Variants in TLE3 observed in about 807,000 individuals in gnomAD.
The protein encoded by TLE3 is TLE family member 3, transcriptional corepressor.
Under a neutral mutation model 93.0 loss-of-function variants are expected in TLE3, and 14 were observed. The observed-to-expected ratio is 0.15, with a 90% CI of 0.10 to 0.24. TLE3 has a LOEUF of 0.24. Ranked by LOEUF, TLE3 falls within the 10% of genes least tolerant of loss-of-function variation. The probability of loss-of-function intolerance (pLI) is 1.00; values close to 1 mark genes in which losing one functional copy is unlikely to be tolerated. For missense variants in TLE3, 693 were observed against 1,046.6 expected (o/e 0.66, Z 4.66); for synonymous variants, 451 against 425.0 (o/e 1.06, Z -0.75).
chr15:70,048,991 T>C lies in TLE3; in HGVS notation c.*1106A>G, dbSNP rs1163486345. ...TAAAAGGACATCACTTCTAATTCTT[T>C]TTATTCAAATTAAAAAAAAAAAAAA... On this transcript the variant is annotated 3_prime_UTR_variant, in exon 20 of 20. Coordinates refer to ENST00000451782, the MANE Select transcript of TLE3 (RefSeq NM_001105192.3). 1 of 151,416 alleles carries C rather than the reference T, an allele frequency of 6.6e-6. No individual in the cohort carries two copies. Among genetic ancestry groups the C allele is most frequent in the African/African-American group, 2.4e-5 (1 of 41,204 alleles). The allele number at this position is 151,416 out of a possible 1,614,324, so 9.4% of individuals were successfully genotyped here. A position where few individuals can be genotyped will look rare whatever the true frequency, so the allele number is the denominator to read the frequency against.
At chr15:70,094,879 G>A (rs2058474368) in intron 3 of TLE3, 2 of 332,732 alleles carry the variant, frequency 6.0e-6, no homozygotes, top group South Asian at 5.6e-5. Context: ...ACAGGGAATC[G>A]TGTGTACACT....
At chr15:70,056,503 A>G (rs536783781) in intron 13 of TLE3, 129 bp from the exon 14 acceptor site, 13 of 781,200 alleles carry the variant, frequency 1.7e-5, no homozygotes, top group African/African-American at 1.5e-4. Context: ...AGACAAGCTG[A>G]GCAGAGCAGA....
At position 70,054,958 on chromosome 15, in the gene TLE3, T is replaced by C. The variant is rs546152794; in HGVS notation, c.1578+91A>G. ...TAAAGTTGCTCAGCCAATACGATGC[T>C]GAGCCAGGCCCTGGGGCTCTCCCCT... On this transcript the variant is annotated intron_variant, in intron 15 of 19. Coordinates refer to ENST00000451782, the MANE Select transcript of TLE3 (RefSeq NM_001105192.3). 102 of 1,478,460 alleles carry C rather than the reference T, an allele frequency of 6.9e-5. No homozygotes were observed. The African/African-American group carries it at 9.9e-4, about 14-fold the overall frequency. The allele number at this position is 1,478,460 out of a possible 1,614,324, so 91.6% of individuals were successfully genotyped here. A position where few individuals can be genotyped will look rare whatever the true frequency, so the allele number is the denominator to read the frequency against.
chr15:70,081,925 ATCTCAGTCAGCTC>A (rs1175368613), intron 4 of TLE3, among the ~76,000 whole-genome samples: 1 of 152,244 alleles, frequency 6.6e-6, no homozygotes, highest in Non-Finnish European at 1.5e-5. Flanking sequence ...TGGGGGTGTC[ATCTCAGTCAGCTC>A]TGAGGTTCTT....
At chr15:70,056,445 AC>A in intron 13 of TLE3, 71 bp from the exon 14 acceptor site, 2 of 1,457,850 alleles carry the variant, frequency 1.4e-6, no homozygotes, top group Non-Finnish European at 9.5e-7. Flanking sequence ...CTCCTCCACC[AC>A]CCACCCGGGG....
At chr15:70,086,988 A>G (rs2058067075) in intron 4 of TLE3, among the ~76,000 whole-genome samples, 1 of 152,192 alleles carries the variant, frequency 6.6e-6, no homozygotes, top group Non-Finnish European at 1.5e-5. Context: ...AACTCTTTCT[A>G]CAAACACAAC....
intron 6 of TLE3, among the ~76,000 whole-genome samples, chr15:70,070,506 C>T (rs554899088): frequency 6.6e-6 from 1 of 152,326 alleles, no homozygotes; most frequent in African/African-American, 2.4e-5. Flanking sequence ...ACTTCCTGCC[C>T]TCCAAGGACA....
intron 4 of TLE3, among the ~76,000 whole-genome samples, chr15:70,087,507 A>C (rs748050808): frequency 9.9e-5 from 15 of 152,240 alleles, no homozygotes; most frequent in Non-Finnish European, 1.9e-4. Flanking sequence ...GTCCTCTGGA[A>C]AGTACTTCCC....
chr15:70,082,477 G>A (rs532414726), intron 4 of TLE3, among the ~76,000 whole-genome samples: 87 of 152,278 alleles, frequency 5.7e-4, no homozygotes, highest in Middle Eastern at 6.8e-3. Context: ...GGGAAATGTA[G>A]CCCCTCCCGC....
chr15:70,055,997 G>A lies in TLE3; in HGVS notation c.1328+301C>T. The A allele has an allele frequency of 1.4e-5, 7 of 491,258 alleles. 1 individual carries two copies. The highest frequency in any genetic ancestry group is 1.2e-4 in the South Asian group (6 of 48,314). The allele number at this position is 491,258 out of a possible 1,614,324, so 30.4% of individuals were successfully genotyped here. A position where few individuals can be genotyped will look rare whatever the true frequency, so the allele number is the denominator to read the frequency against. On this transcript the variant is annotated intron_variant, in intron 14 of 19. Coordinates refer to ENST00000451782, the MANE Select transcript of TLE3 (RefSeq NM_001105192.3). ...AAAGGAGTCGGCAAGGCCCACCACA[G>A]CTCCAGGTGACTCGGTGAGGAGTGT...
At chr15:70,055,979 T>A in intron 14 of TLE3, 2 of 434,194 alleles carry the variant, frequency 4.6e-6, no homozygotes, top group South Asian at 2.3e-5. Context: ...CCCAAAGGAG[T>A]CGGCAAGGCC....
rs2058609255 is a variant in TLE3 at position 70,097,268 on chromosome 15, G to A, written c.-470C>T. On this transcript the variant is annotated 5_prime_UTR_variant, in exon 1 of 20. Transcript: ENST00000451782. ...GCCGGGGCAGCCCCAAGCATCCGGG[G>A]CGCGCGGGTCCGATCCTAGAGGCGT... 1 of 400,576 alleles carries A rather than the reference G, an allele frequency of 2.5e-6. No individual in the cohort carries two copies. Among genetic ancestry groups the A allele is most frequent in the Non-Finnish European group, 4.4e-6 (1 of 228,232 alleles). The allele number at this position is 400,576 out of a possible 1,614,324, so 24.8% of individuals were successfully genotyped here. A position where few individuals can be genotyped will look rare whatever the true frequency, so the allele number is the denominator to read the frequency against.
intron 8 of TLE3, among the ~76,000 whole-genome samples, chr15:70,061,073 G>T (rs576937208): frequency 1.3e-5 from 2 of 152,278 alleles, no homozygotes; most frequent in South Asian, 2.1e-4. Context: ...GATCTGAGCT[G>T]ACAGGCAGGG....
intron 4 of TLE3, chr15:70,079,522 AG>A (rs2057650717): frequency 2.3e-6 from 1 of 437,572 alleles, no homozygotes; most frequent in Non-Finnish European, 4.5e-6. Context: ...ATCATCTGCT[AG>A]TACCCTCTTG....
At chr15:70,054,970 T>G (rs1161283172) in intron 15 of TLE3, 79 bp downstream of exon 15, 2 of 1,500,196 alleles carry the variant, frequency 1.3e-6, no homozygotes, top group African/African-American at 2.8e-5. Flanking sequence ...AGCCAGGCCC[T>G]GGGGCTCTCC....
chr15:70,057,111 C>T (rs956513335), intron 13 of TLE3, among the ~76,000 whole-genome samples: 2 of 152,212 alleles, frequency 1.3e-5, no homozygotes, highest in African/African-American at 2.4e-5. Flanking sequence ...GTCCCATCTA[C>T]GAGACCCCTG....
intron 5 of TLE3, among the ~76,000 whole-genome samples, chr15:70,075,204 G>T (rs946187657): frequency 6.6e-6 from 1 of 152,182 alleles, no homozygotes; most frequent in African/African-American, 2.4e-5. Context: ...ACGGACTTTG[G>T]GTGATGATGT....
intron 16 of TLE3, 21 bp from the exon 17 acceptor site, chr15:70,053,395 G>A (rs1379267623): frequency 1.3e-6 from 2 of 1,588,918 alleles, no homozygotes; most frequent in Admixed American, 1.7e-5. Context: ...CAAGCAGGGA[G>A]GAGGGTGAGT....
At position 70,096,779 on chromosome 15, in the gene TLE3, T is replaced by A; in HGVS notation, c.20A>T (p.His7Leu). 1 of 1,613,152 alleles carries A rather than the reference T, an allele frequency of 6.2e-7. No individual in the cohort carries two copies. The highest frequency in any genetic ancestry group is 8.5e-7 in the Non-Finnish European group (1 of 1,179,600). The change falls in exon 1 of 20, where the codon CAT becomes CTT. Residue 7 changes from histidine (H) to leucine (L), a missense_variant. Physicochemically the swap from His to Leu is moderately conservative, Grantham distance 99. This residue lies in a region of TLE3 where 31 missense variants were observed against 24.0 expected (regional missense o/e 1.29). Transcript: ENST00000451782. MYPQGRHPAPHQPGQPG... is the reference protein window; with the variant it reads MYPQGRLPAPHQPGQPG... Reference sequence around the variant, plus strand: ...AACCGAGTTGCAATTACTCACCGGATGTCTGCCCTGCGGATACATGGCAGG... The same window carrying A: ...AACCGAGTTGCAATTACTCACCGGAAGTCTGCCCTGCGGATACATGGCAGG...
Sources: gnomAD v4.1 joint callset for allele counts (sites outside exome capture counted in the v4.1 genomes callset) on GRCh38, gnomAD v4.1.1 for gene constraint, gnomAD v4.1.1 regional missense constraint, MANE v1.5 for transcripts, NCBI Gene and HGNC (gene_info 2026-07-23, HGNC 2026-07-21) for gene names.